Variants in TCEAL5 observed in about 807,000 individuals in gnomAD.
TCEAL5 encodes transcription elongation factor A protein-like 5.
For missense variants in TCEAL5, 111 were observed against 158.1 expected, an observed-to-expected ratio of 0.70 and a Z score of 1.60; for synonymous variants, 65 against 61.2, an observed-to-expected ratio of 1.06 and a Z score of -0.29.
In TCEAL5 at chrX:103,274,590, C is replaced by T. The variant is rs1304491316; in HGVS notation, c.-27G>A. The T allele has an allele frequency of 8.6e-7, 1 of 1,163,434 alleles. No homozygotes were observed. The highest frequency in any genetic ancestry group is 1.8e-5 in the African/African-American group (1 of 54,986). ...TTGAGATGTTCCCTTCTTTGCCTTT[C>T]CTAGGAGACAAAAAGAAGACACAGG... On this transcript the variant is annotated splice_region_variant and 5_prime_UTR_variant, in exon 3 of 3. Transcript: ENST00000372680.
In TCEAL5 at chrX:103,273,904, TA is replaced by T. The variant is rs1925500340; in HGVS notation, c.*38del. 8.4e-7 allele frequency: 1 copy of T among 1,190,741 alleles called. No individual in the cohort carries two copies. Among genetic ancestry groups the T allele is most frequent in the Non-Finnish European group, 1.1e-6 (1 of 884,448 alleles). ...CTGCCAGGAAAAGCAGGACTGGCAA[TA>T]TTCCCATCAGAGAAATCAGAATTAA... On this transcript the variant is annotated 3_prime_UTR_variant, in exon 3 of 3. Transcript: ENST00000372680.
chrX:103,274,536 C>T lies in TCEAL5; in HGVS notation c.28G>A (p.Gly10Arg). 3.3e-6 allele frequency: 4 copies of T among 1,199,876 alleles called. No individual in the cohort carries two copies. The highest frequency in any genetic ancestry group is 4.5e-6 in the Non-Finnish European group (4 of 891,604). ...AGGTTTCTTTCATTCTCTGGCTTTC[C>T]TTCATTTTCTTTGTAGAGCTTTTCC... MEKLYKENEGKPENERNLES... is the reference protein window; with the variant it reads MEKLYKENERKPENERNLES... The change falls in exon 3 of 3, where the codon GGA (glycine) becomes AGA (arginine). Residue 10 changes from glycine (G) to arginine (R), a missense_variant. By Grantham distance (125) the Gly-to-Arg change is moderately radical. Transcript: ENST00000372680.
rs765472296 is a variant in TCEAL5, at chrX:103,274,030, T to C, written c.534A>G (p.Pro178=). The part of the protein sequence containing the change: ...FHWMQRDVQD[P]FAPRGQRGVR... Reference sequence around the variant, plus strand: ...CACCCCGTTGGCCCCTTGGGGCGAATGGATCCTGTACATCTCTTTGCATCC... The same window carrying C: ...CACCCCGTTGGCCCCTTGGGGCGAACGGATCCTGTACATCTCTTTGCATCC... Residue 178 remains proline, a synonymous_variant, in exon 3 of 3, where the codon CCA becomes CCG. Transcript: ENST00000372680. 4 of 1,210,169 alleles carry C rather than the reference T, an allele frequency of 3.3e-6. No homozygotes were observed. Among genetic ancestry groups the C allele is most frequent in the Admixed American group, 4.4e-5 (2 of 45,780 alleles).
chrX:103,274,989 C>T (rs140455978), intron 2 of TCEAL5, among the ~76,000 whole-genome samples: 203 of 111,787 alleles, frequency 1.8e-3, no homozygotes, highest in Non-Finnish European at 2.6e-3. Context: ...AAACTGCAGA[C>T]AGAACAGAAC....
chrX:103,273,969 CT>C lies in TCEAL5; in HGVS notation c.594del (p.Asp199ThrfsTer2). 1 of 1,211,886 alleles carries C rather than the reference CT, an allele frequency of 8.3e-7. No individual in the cohort carries two copies. The highest frequency in any genetic ancestry group is 1.1e-6 in the Non-Finnish European group (1 of 895,470). The stretch of plus-strand genomic sequence containing the variant: ...TAAACATATGGGACATCTTCTAAGT[CT>C]TTCTGGCCCCTACCTCCGCCCCTCA... ...RGVRGGGRGQ[K>X]DLEDVPYV On this transcript the variant is annotated frameshift_variant, in exon 3 of 3. Coordinates refer to ENST00000372680, the MANE Select transcript of TCEAL5 (RefSeq NM_001012979.3). LOFTEE classifies it high-confidence loss of function.
At position 103,273,742 on chromosome X, in the gene TCEAL5, T is replaced by C; in HGVS notation, c.*201A>G. 1 of 540,827 alleles carries C rather than the reference T, an allele frequency of 1.8e-6. No individual in the cohort carries two copies. Among genetic ancestry groups the C allele is most frequent in the Non-Finnish European group, 2.9e-6 (1 of 341,031 alleles). 44.6% of individuals were successfully genotyped at this position (540,827 alleles called of 1,213,427 possible). The stretch of plus-strand genomic sequence containing the variant: ...GTTATTTTACAATGTACCATGAACA[T>C]TTATTCCATGCACATGGGTGAAAAT... On this transcript the variant is annotated 3_prime_UTR_variant, in exon 3 of 3. Transcript: ENST00000372680.
At chrX:103,274,982 C>T (rs1234711585) in intron 2 of TCEAL5, among the ~76,000 whole-genome samples, 2 of 111,863 alleles carry the variant, frequency 1.8e-5, no homozygotes, top group Non-Finnish European at 3.8e-5. Flanking sequence ...ACTTATAAAA[C>T]TGCAGACAGA....
chrX:103,273,932 G>A lies in TCEAL5; in HGVS notation c.*11C>T. On this transcript the variant is annotated 3_prime_UTR_variant, in exon 3 of 3. Coordinates refer to ENST00000372680, the MANE Select transcript of TCEAL5 (RefSeq NM_001012979.3). Reference sequence around the variant, plus strand: ...TCCCATCAGAGAAATCAGAATTAAAGGCCAAAGACATTAAACATATGGGAC... The same window carrying A: ...TCCCATCAGAGAAATCAGAATTAAAAGCCAAAGACATTAAACATATGGGAC... 1 of 1,204,723 alleles carries A rather than the reference G, an allele frequency of 8.3e-7. No homozygotes were observed. The highest frequency in any genetic ancestry group is 1.1e-6 in the Non-Finnish European group (1 of 891,210).
Position 103,274,131 on chromosome X carries a change from TCTC to T in TCEAL5, c.430_432del (p.Glu144del), listed in dbSNP as rs1925506755. 2 of 1,211,767 alleles carry T rather than the reference TCTC, an allele frequency of 1.7e-6. No individual in the cohort carries two copies. The highest frequency in any genetic ancestry group is 2.2e-6 in the Non-Finnish European group (2 of 895,530). ...GACACATCTCCACATTCTCTCATCA[TCTC>T]CTCACTGCTCAGATGCCTTTCTTGT... On this transcript the variant is annotated inframe_deletion, in exon 3 of 3. Coordinates refer to ENST00000372680, the MANE Select transcript of TCEAL5 (RefSeq NM_001012979.3).
chrX:103,273,906 T>C lies in TCEAL5; in HGVS notation c.*37A>G, dbSNP rs1277645381. ...GCCAGGAAAAGCAGGACTGGCAATA[T>C]TCCCATCAGAGAAATCAGAATTAAA... On this transcript the variant is annotated 3_prime_UTR_variant, in exon 3 of 3. Coordinates refer to ENST00000372680, the MANE Select transcript of TCEAL5 (RefSeq NM_001012979.3). 1 of 1,192,315 alleles carries C rather than the reference T, an allele frequency of 8.4e-7. No homozygotes were observed. The highest frequency in any genetic ancestry group is 1.8e-5 in the African/African-American group (1 of 56,732).
rs752609825 is a variant in TCEAL5, at chrX:103,274,433, A to C, written c.131T>G (p.Met44Arg). 18 of 1,207,661 alleles carry C rather than the reference A, an allele frequency of 1.5e-5. No individual in the cohort carries two copies. The African/African-American group carries it at 3.0e-4, about 20-fold the overall frequency. ...GKSDEEEKPDMEGKTECEGKR... is the reference protein window; with the variant it reads ...GKSDEEEKPDREGKTECEGKR... ...TCCCTCGCATTCTGTCTTCCCCTCC[A>C]TGTCCGGCTTTTCTTCCTCGTCTGA... is the stretch of plus-strand genomic sequence containing the variant. Residue 44 changes from methionine to arginine, a missense_variant, in exon 3 of 3, where the codon ATG becomes AGG. Coordinates refer to ENST00000372680, the MANE Select transcript of TCEAL5 (RefSeq NM_001012979.3).
In TCEAL5 at chrX:103,274,500, C is replaced by T; in HGVS notation, c.64G>A (p.Gly22Arg). The T allele has an allele frequency of 3.3e-6, 4 of 1,209,876 alleles. No individual in the cohort carries two copies. Among genetic ancestry groups the T allele is most frequent in the South Asian group, 1.8e-5 (1 of 56,374 alleles). ...PENERNLESEGKPEDEGSTED... is the reference protein window; with the variant it reads ...PENERNLESERKPEDEGSTED... ...GTACTTCCCTCATCCTCTGGCTTTCCCTCACTTTCTAGGTTTCTTTCATTC... is the reference window on the plus strand; with the variant it reads ...GTACTTCCCTCATCCTCTGGCTTTCTCTCACTTTCTAGGTTTCTTTCATTC... Residue 22 changes from glycine to arginine, a missense_variant, in exon 3 of 3, where the codon GGA (glycine) becomes AGA (arginine). Transcript: ENST00000372680.
Position 103,273,954 on chromosome X carries a change from G to A in TCEAL5, c.610C>T (p.Pro204Ser), listed in dbSNP as rs751116979. 2.5e-6 allele frequency: 3 copies of A among 1,209,213 alleles called. No homozygotes were observed. Among genetic ancestry groups the A allele is most frequent in the African/African-American group, 3.5e-5 (2 of 57,325 alleles). The change falls in exon 3 of 3, where the codon CCA (proline) becomes TCA (serine). Residue 204 changes from proline to serine, a missense_variant. Physicochemically the swap from Pro to Ser is moderately conservative, Grantham distance 74. Transcript: ENST00000372680. ...GRGQKDLEDVPYV is the reference protein window; with the variant it reads ...GRGQKDLEDVSYV ...AAAGGCCAAAGACATTAAACATATG[G>A]GACATCTTCTAAGTCTTTCTGGCCC...
intron 1 of TCEAL5, among the ~76,000 whole-genome samples, chrX:103,275,790 A>T (rs1419588142): frequency 1.8e-5 from 2 of 110,980 alleles, no homozygotes; most frequent in African/African-American, 3.3e-5. Flanking sequence ...AAATGTCCAA[A>T]ACACTCCTGC....
At chrX:103,275,726 C>T (rs756492037) in intron 1 of TCEAL5, among the ~76,000 whole-genome samples, 1 of 111,370 alleles carries the variant, frequency 9.0e-6, no homozygotes, top group East Asian at 2.8e-4. Context: ...AGCCAAATAG[C>T]AGAGCCCACC....
intron 1 of TCEAL5, 88 bp from the exon 2 acceptor site, chrX:103,275,430 T>C (rs1925540457): frequency 8.9e-6 from 1 of 111,922 alleles, no homozygotes. Flanking sequence ...TGGGACCGTA[T>C]TTGTCAAAAC....
intron 1 of TCEAL5, 84 bp from the exon 2 acceptor site, chrX:103,275,426 C>A (rs1019353743): frequency 1.8e-5 from 2 of 111,696 alleles, no homozygotes; most frequent in Admixed American, 9.5e-5. Flanking sequence ...TCTTTGGGAC[C>A]GTATTTGTCA....
chrX:103,276,348 G>C (rs1925560640), intron 1 of TCEAL5, among the ~76,000 whole-genome samples: 1 of 95,137 alleles, frequency 1.1e-5, no homozygotes, highest in African/African-American at 4.0e-5. Flanking sequence ...AAATGAGTGA[G>C]CATCGGGAAA....
chrX:103,274,479 T>G lies in TCEAL5; in HGVS notation c.85A>C (p.Ser29Arg). 1.7e-6 allele frequency: 2 copies of G among 1,211,179 alleles called. No homozygotes were observed. Among genetic ancestry groups the G allele is most frequent in the Non-Finnish European group, 2.2e-6 (2 of 895,267 alleles). ...TCTGACTTTCCTTCATCTTCTGTACTTCCCTCATCCTCTGGCTTTCCCTCA... is the reference window on the plus strand; with the variant it reads ...TCTGACTTTCCTTCATCTTCTGTACGTCCCTCATCCTCTGGCTTTCCCTCA... ...ESEGKPEDEG[S>R]TEDEGKSDEE... Residue 29 changes from serine to arginine, a missense_variant, in exon 3 of 3, where the codon AGT (serine) becomes CGT (arginine). By Grantham distance (110) the Ser-to-Arg change is moderately radical. Transcript: ENST00000372680.
Sources: allele counts gnomAD v4.1 joint callset (sites outside exome capture counted in the v4.1 genomes callset), GRCh38; gene constraint gnomAD v4.1.1; transcripts MANE v1.5; gene names NCBI Gene and HGNC (gene_info 2026-07-23, HGNC 2026-07-21).